MYO16: variants seen among roughly 807,000 people sequenced by gnomAD.
The protein encoded by MYO16 is unconventional myosin-XVI.
A neutral mutation model predicts 205.3 loss-of-function variants in MYO16; 94 were observed. The observed-to-expected ratio is 0.46, with a 90% CI of 0.39 to 0.54. The LOEUF (loss-of-function observed/expected upper bound fraction) is 0.54. Ranked by LOEUF, MYO16 falls within the 20% of genes least tolerant of loss-of-function variation. The pLI is 0.00. For synonymous variants in MYO16, 988 were observed against 954.0 expected, an observed-to-expected ratio of 1.04 and a Z score of -0.66; for missense variants, 2,315 against 2,387.5, an observed-to-expected ratio of 0.97 and a Z score of 0.63.
intron 14 of MYO16, among the ~76,000 whole-genome samples, chr13:108,893,315 A>C (rs1024110797): frequency 6.6e-6 from 1 of 152,248 alleles, no homozygotes; most frequent in Non-Finnish European, 1.5e-5. Context: ...GAACCAGTAC[A>C]ATAAATCTTC....
At chr13:108,736,076 T>C (rs577570616) in intron 4 of MYO16, among the ~76,000 whole-genome samples, 1 of 152,320 alleles carries the variant, frequency 6.6e-6, no homozygotes, top group East Asian at 1.9e-4. Flanking sequence ...TGCAAAAATT[T>C]TCTCCCATTC....
At chr13:109,197,265 C>G (rs1446997842) in intron 34 of MYO16, among the ~76,000 whole-genome samples, 3 of 152,150 alleles carry the variant, frequency 2.0e-5, no homozygotes, top group African/African-American at 7.2e-5. Context: ...TTTGAAAAAC[C>G]CTTCGCTGAA....
intron 2 of MYO16, among the ~76,000 whole-genome samples, chr13:108,685,025 A>ATT (rs60535536): frequency 0.097 from 13,739 of 142,014 alleles, 1,187 homozygotes; most frequent in African/African-American, 0.22. Flanking sequence ...AACCACCCCA[A>ATT]TTTTTTTTTT....
chr13:109,102,807 G>A (rs1208469967), intron 28 of MYO16, among the ~76,000 whole-genome samples: 1 of 151,868 alleles, frequency 6.6e-6, no homozygotes, highest in South Asian at 2.1e-4. Context: ...ACATACATTG[G>A]GACTTTCAAC....
At chr13:108,838,441 G>A (rs1366357024) in intron 9 of MYO16, among the ~76,000 whole-genome samples, 1 of 151,440 alleles carries the variant, frequency 6.6e-6, no homozygotes, top group Non-Finnish European at 1.5e-5. Flanking sequence ...GATCACTTGA[G>A]GACAGGAGTT....
At chr13:109,165,826 C>T (rs1346221951) in intron 33 of MYO16, among the ~76,000 whole-genome samples, 1 of 152,158 alleles carries the variant, frequency 6.6e-6, no homozygotes, top group East Asian at 1.9e-4. Context: ...TGACTGCCTT[C>T]TCAAATTACA....
Position 108,961,629 on chromosome 13 carries a change from G to C in MYO16, c.2128G>C (p.Val710Leu). ...TALNEGNSAFVSDLQLLEQVA... is the reference protein window; with the variant it reads ...TALNEGNSAFLSDLQLLEQVA... ...CCTGAATGAGGGGAACTCCGCCTTC[G>C]TTTCTGACCTCCAGCTCCTGGAACA... is the stretch of plus-strand genomic sequence containing the variant. The change falls in exon 18 of 35, where the codon GTT becomes CTT. Residue 710 changes from valine to leucine, a missense_variant. Physicochemically the swap from Val to Leu is conservative, Grantham distance 32 (BLOSUM62 1). Around this residue, in one of 3 missense-constraint regions of MYO16, gnomAD observed 1,213 missense variants for 1,274.4 expected, o/e 0.95. Transcript: ENST00000457511. 2 of 1,613,882 alleles carry C rather than the reference G, an allele frequency of 1.2e-6. No individual in the cohort carries two copies. Among genetic ancestry groups the C allele is most frequent in the Non-Finnish European group, 1.7e-6 (2 of 1,179,802 alleles).
At chr13:108,893,710 C>A (rs1422871883) in intron 14 of MYO16, among the ~76,000 whole-genome samples, 1 of 152,028 alleles carries the variant, frequency 6.6e-6, no homozygotes, top group East Asian at 1.9e-4. Context: ...TGTGAGACTG[C>A]ATTCTGGAAT....
Position 109,019,819 on chromosome 13 carries a change from A to G in MYO16, c.2704A>G (p.Asn902Asp). The G allele has an allele frequency of 6.2e-7, 1 of 1,614,128 alleles. No individual in the cohort carries two copies. The highest frequency in any genetic ancestry group is 1.3e-5 in the African/African-American group (1 of 75,052). Residue 902 changes from asparagine (N) to aspartate (D), a missense_variant, in exon 23 of 35, where the codon AAT becomes GAT. Asn to Asp is a conservative substitution (Grantham distance 23). This residue lies in a region of MYO16 where 1,213 missense variants were observed against 1,274.4 expected (regional missense o/e 0.95). Transcript: ENST00000457511. The stretch of plus-strand genomic sequence containing the variant: ...AAGTCTCCTAGAATCCTCAAACACA[A>G]ATGCGGTGTACTCCCCCATGAAGGA... ...LQSLLESSNT[N>D]AVYSPMKDGN...
chr13:109,152,607 C>T (rs1403758215), intron 32 of MYO16, among the ~76,000 whole-genome samples: 1 of 152,054 alleles, frequency 6.6e-6, no homozygotes, highest in East Asian at 1.9e-4. Flanking sequence ...ATTAAAACAC[C>T]CGGTGATGTG....
chr13:108,728,524 C>G (rs1884418353), intron 4 of MYO16, among the ~76,000 whole-genome samples: 1 of 152,180 alleles, frequency 6.6e-6, no homozygotes, highest in African/African-American at 2.4e-5. Flanking sequence ...CGTGCTCCCC[C>G]TGTAGGCCCT....
chr13:108,839,274 GC>G (rs1185187672), intron 9 of MYO16, among the ~76,000 whole-genome samples: 1 of 151,924 alleles, frequency 6.6e-6, no homozygotes, highest in Non-Finnish European at 1.5e-5. Flanking sequence ...ATTCATGGGG[GC>G]AAAGGCCTCA....
chr13:108,886,700 A>G (rs1879911803), intron 13 of MYO16, among the ~76,000 whole-genome samples: 1 of 113,642 alleles, frequency 8.8e-6, no homozygotes, highest in Admixed American at 8.7e-5. Context: ...AGGCTTGTTT[A>G]GGCAAAGCCC....
At chr13:108,908,084 A>T (rs1566404681) in intron 15 of MYO16, among the ~76,000 whole-genome samples, 1 of 152,200 alleles carries the variant, frequency 6.6e-6, no homozygotes, top group Non-Finnish European at 1.5e-5. Context: ...AAAATATTTA[A>T]AACTTAACTT....
At chr13:108,970,437 A>G (rs917792196) in intron 20 of MYO16, among the ~76,000 whole-genome samples, 2 of 152,142 alleles carry the variant, frequency 1.3e-5, no homozygotes, top group Admixed American at 1.3e-4. Flanking sequence ...TCACAGTTCT[A>G]TGGACGCTTT....
chr13:108,859,276 C>A (rs1878344770), intron 11 of MYO16, among the ~76,000 whole-genome samples: 1 of 152,034 alleles, frequency 6.6e-6, no homozygotes, highest in Non-Finnish European at 1.5e-5. Context: ...TATGTATGAC[C>A]CATAATAGGT....
chr13:109,190,966 C>G (rs1033965793), intron 34 of MYO16, among the ~76,000 whole-genome samples: 1 of 152,026 alleles, frequency 6.6e-6, no homozygotes. Flanking sequence ...TGTCTGTAAT[C>G]CCAGCACTTT....
At chr13:108,754,123 CTG>C (rs1885341392) in intron 4 of MYO16, among the ~76,000 whole-genome samples, 1 of 152,138 alleles carries the variant, frequency 6.6e-6, no homozygotes, top group Non-Finnish European at 1.5e-5. Flanking sequence ...GCAGAACAAA[CTG>C]TAGCATGCAG....
intron 28 of MYO16, among the ~76,000 whole-genome samples, chr13:109,105,189 G>A (rs1035370172): frequency 1.4e-4 from 22 of 152,250 alleles, no homozygotes; most frequent in Admixed American, 1.4e-3. Context: ...AATTTTTACA[G>A]GCTGGGCGCA....
Sources: allele counts gnomAD v4.1 joint callset (sites outside exome capture counted in the v4.1 genomes callset), GRCh38; gene constraint gnomAD v4.1.1; regional missense constraint gnomAD v4.1.1; transcripts MANE v1.5; gene names NCBI Gene and HGNC (gene_info 2026-07-23, HGNC 2026-07-21).